Variants in TLN2 observed in about 807,000 individuals in gnomAD.
The protein encoded by TLN2 is talin-2.
In TLN2, 118 loss-of-function variants were observed where a neutral mutation model predicts 294.7. The ratio of observed to expected loss-of-function variants is 0.40; its 90% CI spans 0.34 to 0.47. The LOEUF (loss-of-function observed/expected upper bound fraction) is 0.47, where lower values mean the gene tolerates loss of function less well. Ranked by LOEUF, TLN2 falls within the 20% of genes least tolerant of loss-of-function variation. The probability of loss-of-function intolerance (pLI) is 0.84; values close to 1 mark genes in which losing one functional copy is unlikely to be tolerated. For missense variants in TLN2, 3,083 were observed against 3,282.2 expected, an observed-to-expected ratio of 0.94 and a Z score of 1.48; for synonymous variants, 1,431 against 1,304.5, an observed-to-expected ratio of 1.10 and a Z score of -2.09.
In TLN2 at chr15:62,833,756, CCA is replaced by C. The variant is rs1268702951; in HGVS notation, c.7128+129_7128+130del. 40 of 1,363,428 alleles carry C rather than the reference CCA, an allele frequency of 2.9e-5. No individual in the cohort carries two copies. The East Asian group carries it at 9.5e-4, about 32-fold the overall frequency. 84.5% of individuals were successfully genotyped at this position (1,363,428 alleles called of 1,614,324 possible). ...TGCAGTGCCTTCCCTCCCTGAATTG[CCA>C]CTCTCTGTGCTGACCGACTGAAAAC... On this transcript the variant is annotated intron_variant, in intron 55 of 58. Coordinates refer to ENST00000636159, the MANE Select transcript of TLN2 (RefSeq NM_015059.3).
In TLN2 at chr15:62,652,036, C is replaced by G; in HGVS notation, c.266C>G (p.Pro89Arg). ...DILEYKKKQR[P>R]QKIRMLDGSV... ...TTGGAATATAAAAAGAAACAGAGAC[C>G]TCAGAAAATCCGGATGCTGGATGGA... The change falls in exon 6 of 59, where the codon CCT becomes CGT. Residue 89 changes from proline (P) to arginine (R), a missense_variant. By Grantham distance (103) the Pro-to-Arg change is moderately radical (BLOSUM62 -2). Transcript: ENST00000636159. 6.2e-7 allele frequency: 1 copy of G among 1,610,946 alleles called. No homozygotes were observed. The highest frequency in any genetic ancestry group is 1.1e-5 in the South Asian group (1 of 90,446).
chr15:62,837,881 G>C (rs1300353355), intron 57 of TLN2, among the ~76,000 whole-genome samples: 2 of 152,212 alleles, frequency 1.3e-5, no homozygotes, highest in Non-Finnish European at 2.9e-5. Flanking sequence ...TGAATGAGAA[G>C]AACTCTCAAC....
At chr15:62,410,990 C>T (rs1238906426) in intron 1 of TLN2, among the ~76,000 whole-genome samples, 1 of 151,486 alleles carries the variant, frequency 6.6e-6, no homozygotes, top group Non-Finnish European at 1.5e-5. Flanking sequence ...GTTGTGGAAG[C>T]AGCCTATTCT....
At chr15:62,825,940 C>T (rs1410819072) in intron 54 of TLN2, among the ~76,000 whole-genome samples, 2 of 138,536 alleles carry the variant, frequency 1.4e-5, no homozygotes, top group African/African-American at 2.8e-5. Flanking sequence ...GGCTGAGAAT[C>T]GATTGAACTT....
Position 62,835,962 on chromosome 15 carries a change from CGAG to C in TLN2, c.7267_7269del (p.Glu2423del). 13 of 1,614,146 alleles carry C rather than the reference CGAG, an allele frequency of 8.1e-6. No homozygotes were observed. Among genetic ancestry groups the C allele is most frequent in the Non-Finnish European group, 1.0e-5 (12 of 1,180,022 alleles). On this transcript the variant is annotated inframe_deletion, in exon 57 of 59. Transcript: ENST00000636159. ...ATGCCTCCGTTCAGGGACACGCCAG[CGAG>C]GAGAAGCTCATCTCATCTGCCAAGC...
At chr15:62,620,132 C>T (rs1278265740) in intron 3 of TLN2, among the ~76,000 whole-genome samples, 1 of 152,044 alleles carries the variant, frequency 6.6e-6, no homozygotes, top group East Asian at 1.9e-4. Flanking sequence ...GGTTCCACCA[C>T]ACCGGCTATT....
chr15:62,567,293 T>G (rs781358292), intron 1 of TLN2, among the ~76,000 whole-genome samples: 2 of 152,240 alleles, frequency 1.3e-5, no homozygotes, highest in Non-Finnish European at 2.9e-5. Flanking sequence ...TGAGATTATT[T>G]CCTAGTGTTA....
intron 1 of TLN2, among the ~76,000 whole-genome samples, chr15:62,445,388 G>A (rs1448600433): frequency 6.6e-6 from 1 of 152,118 alleles, no homozygotes; most frequent in East Asian, 1.9e-4. Context: ...ATACTTTTAT[G>A]CTGGTGGAGG....
chr15:62,619,573 G>T (rs892264928), intron 3 of TLN2, among the ~76,000 whole-genome samples: 3 of 152,196 alleles, frequency 2.0e-5, no homozygotes, highest in African/African-American at 7.2e-5. Context: ...ACCTTATTTG[G>T]AAATAGTTTT....
At chr15:62,736,843 G>A (rs2061043642) in intron 28 of TLN2, 35 bp from the exon 29 acceptor site, 1 of 1,605,710 alleles carries the variant, frequency 6.2e-7, no homozygotes, top group East Asian at 2.2e-5. Flanking sequence ...TTTAGATGGA[G>A]TCTAATTGGA....
intron 3 of TLN2, among the ~76,000 whole-genome samples, chr15:62,639,278 T>C (rs2050731906): frequency 1.3e-5 from 2 of 152,112 alleles, no homozygotes; most frequent in South Asian, 4.1e-4. Flanking sequence ...TCTATATCTA[T>C]CTTATTGCTG....
intron 3 of TLN2, among the ~76,000 whole-genome samples, chr15:62,622,082 G>C (rs186728200): frequency 3.6e-4 from 55 of 152,098 alleles, no homozygotes; most frequent in African/African-American, 1.3e-3. Context: ...GGACTAAGCT[G>C]GGGGGTGGGG....
chr15:62,836,749 A>C (rs2133092), intron 57 of TLN2, among the ~76,000 whole-genome samples: 31,864 of 152,204 alleles, frequency 0.21, 3,628 homozygotes, highest in South Asian at 0.4. Context: ...AAATGAAAAA[A>C]ATCACACAGC....
intron 1 of TLN2, among the ~76,000 whole-genome samples, chr15:62,417,219 A>G (rs371316648): frequency 7.9e-5 from 12 of 152,098 alleles, no homozygotes; most frequent in Non-Finnish European, 8.8e-5. Flanking sequence ...TTCTGCCTCT[A>G]TAATTTTATT....
chr15:62,604,751 CAT>C (rs1363711125), intron 2 of TLN2, among the ~76,000 whole-genome samples: 1 of 149,560 alleles, frequency 6.7e-6, no homozygotes, highest in Admixed American at 6.7e-5. Flanking sequence ...GCATGGAGCT[CAT>C]ATTATGCGAT....
intron 1 of TLN2, among the ~76,000 whole-genome samples, chr15:62,506,264 A>G (rs1017115191): frequency 6.6e-6 from 1 of 150,612 alleles, no homozygotes; most frequent in Non-Finnish European, 1.5e-5. Context: ...CACATTATCT[A>G]GTGGCTGCTG....
chr15:62,716,203 G>T (rs1195887748), intron 22 of TLN2, 128 bp from the exon 23 acceptor site: 4 of 1,158,288 alleles, frequency 3.5e-6, no homozygotes, highest in Non-Finnish European at 4.5e-6. Context: ...TCATCATAAA[G>T]ATATTGCTTG....
At chr15:62,428,076 C>T (rs116586583) in intron 1 of TLN2, among the ~76,000 whole-genome samples, 2,061 of 146,874 alleles carry the variant, frequency 0.014, 45 homozygotes, top group African/African-American at 0.047. Context: ...GTGCCACCAC[C>T]CCCCCTCCAC....
intron 52 of TLN2, among the ~76,000 whole-genome samples, 191 bp downstream of exon 52, chr15:62,810,223 T>C (rs2066587151): frequency 6.6e-6 from 1 of 152,210 alleles, no homozygotes; most frequent in South Asian, 2.1e-4. Flanking sequence ...AAGTGCGGTC[T>C]GGACGAAGTT....
Sources: allele counts gnomAD v4.1 joint callset (sites outside exome capture counted in the v4.1 genomes callset), GRCh38; gene constraint gnomAD v4.1.1; transcripts MANE v1.5; gene names NCBI Gene and HGNC (gene_info 2026-07-23, HGNC 2026-07-21).